Variants in TICRR observed in about 807,000 individuals in gnomAD.
TICRR encodes the protein TOPBP1 interacting checkpoint and replication regulator.
A neutral mutation model predicts 178.1 loss-of-function variants in TICRR; 132 were observed. That is an observed-to-expected ratio of 0.74 (90% confidence interval 0.64 to 0.86). The LOEUF is 0.86. Ranked by LOEUF, TICRR falls within the 40% of genes least tolerant of loss-of-function variation. TICRR has a pLI of 0.00. For synonymous variants in TICRR, 991 were observed against 900.7 expected (o/e 1.10, Z -1.79); for missense variants, 2,587 against 2,334.3 (o/e 1.11, Z -2.23).
chr15:89,593,342 T>A (rs4362367), intron 5 of TICRR, among the ~76,000 whole-genome samples: 68,108 of 152,036 alleles, frequency 0.45, 15,826 homozygotes, highest in Non-Finnish European at 0.52. Flanking sequence ...TGTTATTTTT[T>A]AAAATTATCT....
Position 89,601,903 on chromosome 15 carries a change from C to T in TICRR, c.2494C>T (p.Arg832Cys). 2 of 1,614,034 alleles carry T rather than the reference C, an allele frequency of 1.2e-6. No homozygotes were observed. The highest frequency in any genetic ancestry group is 1.1e-5 in the South Asian group (1 of 91,080). Residue 832 changes from arginine (R) to cysteine (C), a missense_variant, in exon 12 of 22, where the codon CGT (arginine) becomes TGT (cysteine). Arg to Cys is a radical substitution (Grantham distance 180). Coordinates refer to ENST00000268138, the MANE Select transcript of TICRR (RefSeq NM_152259.4). Reference sequence around the variant, plus strand: ...TTCTGTGCCTTTTTTGTCAAGTGCTCGTAGATCAGTGTCAGGCAGCCCTGA... The same window carrying T: ...TTCTGTGCCTTTTTTGTCAAGTGCTTGTAGATCAGTGTCAGGCAGCCCTGA... ...LLSVPFLSSA[R>C]RSVSGSPESD... is the part of the protein sequence containing the mutation.
rs1347230508 is a variant in TICRR at position 89,576,375 on chromosome 15, A to G, written c.654+135A>G. ...CTATGCGTCCCTTCGGAAGGAAACA[A>G]ATAAATAGGAACAGTTTTCACAACA... On this transcript the variant is annotated intron_variant, in intron 1 of 21. Coordinates refer to ENST00000268138, the MANE Select transcript of TICRR (RefSeq NM_152259.4). 27 of 853,024 alleles carry G rather than the reference A, an allele frequency of 3.2e-5. 1 individual carries two copies. The East Asian group carries it at 3.4e-4, about 11-fold the overall frequency. The allele number at this position is 853,024 out of a possible 1,614,324, so 52.8% of individuals were successfully genotyped here.
intron 13 of TICRR, among the ~76,000 whole-genome samples, chr15:89,605,981 A>G (rs1422117467): frequency 6.6e-6 from 1 of 152,198 alleles, no homozygotes. Flanking sequence ...ATTAATGTAT[A>G]TGGCTTTTCC....
chr15:89,597,613 A>G (rs77791922), intron 7 of TICRR, among the ~76,000 whole-genome samples: 1 of 152,088 alleles, frequency 6.6e-6, no homozygotes, highest in East Asian at 1.9e-4. Context: ...TCTTTTGCTA[A>G]TATCACACAA....
In TICRR at chr15:89,582,742, C is replaced by T. The variant is rs371393176; in HGVS notation, c.711C>T (p.His237=). The part of the protein sequence containing the change: ...GYWTVCELLH[H]GGGTVLPSES... ...GGACTGTTTGTGAACTGCTCCACCA[C>T]GGAGGTGGCACTGTCTTGCCATCTG... is the stretch of plus-strand genomic sequence containing the variant. The change falls in exon 2 of 22, where the codon CAC becomes CAT. Residue 237 remains histidine, a synonymous_variant. Transcript: ENST00000268138. 1.5e-5 allele frequency: 25 copies of T among 1,614,024 alleles called. No individual in the cohort carries two copies. Among genetic ancestry groups the T allele is most frequent in the Middle Eastern group, 1.6e-4 (1 of 6,084 alleles).
chr15:89,606,905 T>TA, intron 14 of TICRR, 80 bp downstream of exon 14: 1 of 1,248,700 alleles, frequency 8.0e-7, no homozygotes, highest in African/African-American at 1.5e-5. Flanking sequence ...AGCAGCTGCT[T>TA]ACAGGTGTAA....
rs760957947 is a variant in TICRR at position 89,608,785 on chromosome 15, A to T, written c.2723-18A>T. 6 of 1,560,816 alleles carry T rather than the reference A, an allele frequency of 3.8e-6. No individual in the cohort carries two copies. The highest frequency in any genetic ancestry group is 1.4e-5 in the African/African-American group (1 of 71,338). ...ATCTTTGGGTTTTTCTTTTTCTTTT[A>T]ATTTTTGATGCTTTCAGAAGTGACC... On this transcript the variant is annotated intron_variant, in intron 14 of 21. Transcript: ENST00000268138.
Position 89,600,626 on chromosome 15 carries a change from T to C in TICRR, c.2094T>C (p.Thr698=). 6.3e-7 allele frequency: 1 copy of C among 1,599,410 alleles called. No individual in the cohort carries two copies. Among genetic ancestry groups the C allele is most frequent in the Non-Finnish European group, 8.5e-7 (1 of 1,173,012 alleles). The part of the protein sequence containing the change: ...LNQVKSSLLK[T]SKSLRQNLGK... ...AAGTAAAAAGTAGTCTCTTAAAAAC[T>C]AGTAAAAGTCTTCGACAGAATCTAG... Residue 698 remains threonine, a synonymous_variant, in exon 9 of 22, where the codon ACT becomes ACC. Coordinates refer to ENST00000268138, the MANE Select transcript of TICRR (RefSeq NM_152259.4).
Position 89,627,112 on chromosome 15 carries a change from A to G in TICRR, c.*26A>G, listed in dbSNP as rs1963544669. 1.2e-6 allele frequency: 2 copies of G among 1,613,184 alleles called. No individual in the cohort carries two copies. Among genetic ancestry groups the G allele is most frequent in the Non-Finnish European group, 1.7e-6 (2 of 1,179,924 alleles). ...CCACAAACATTACTGAGCCCAAAAGATCAAGGAGTCAGCCAGGACCCTGTG... is the reference window on the plus strand; with the variant it reads ...CCACAAACATTACTGAGCCCAAAAGGTCAAGGAGTCAGCCAGGACCCTGTG... On this transcript the variant is annotated 3_prime_UTR_variant, in exon 22 of 22. Coordinates refer to ENST00000268138, the MANE Select transcript of TICRR (RefSeq NM_152259.4).
chr15:89,604,154 A>C (rs902932576), intron 13 of TICRR, among the ~76,000 whole-genome samples: 2 of 152,242 alleles, frequency 1.3e-5, no homozygotes, highest in Non-Finnish European at 2.9e-5. Flanking sequence ...ATCTGAGAAG[A>C]GTTAAAATTC....
At chr15:89,576,714 A>T (rs1962620924) in intron 1 of TICRR, among the ~76,000 whole-genome samples, 1 of 151,252 alleles carries the variant, frequency 6.6e-6, no homozygotes, top group Admixed American at 6.6e-5. Flanking sequence ...ATTTCTCCAT[A>T]TGTTTTGATT....
chr15:89,581,115 C>A (rs1334847894), intron 1 of TICRR, among the ~76,000 whole-genome samples: 1 of 152,156 alleles, frequency 6.6e-6, no homozygotes, highest in Non-Finnish European at 1.5e-5. Flanking sequence ...CTTGCTGGGA[C>A]CATGGACGAT....
chr15:89,603,750 A>G (rs531111567), intron 13 of TICRR, among the ~76,000 whole-genome samples: 2 of 152,362 alleles, frequency 1.3e-5, no homozygotes, highest in East Asian at 1.9e-4. Flanking sequence ...AACCCTATAT[A>G]TAGTACTGTT....
intron 13 of TICRR, among the ~76,000 whole-genome samples, chr15:89,606,220 C>T (rs896827140): frequency 6.6e-6 from 1 of 152,094 alleles, no homozygotes; most frequent in Non-Finnish European, 1.5e-5. Context: ...TAATATTTTC[C>T]TTTTTCCTCC....
At chr15:89,608,135 T>C (rs993463606) in intron 14 of TICRR, among the ~76,000 whole-genome samples, 12 of 152,182 alleles carry the variant, frequency 7.9e-5, no homozygotes, top group Admixed American at 1.3e-4. Context: ...CCATCTTACA[T>C]TGAGTAGCTT....
chr15:89,614,159 T>C (rs1002477157), intron 15 of TICRR, among the ~76,000 whole-genome samples: 1 of 151,670 alleles, frequency 6.6e-6, no homozygotes, highest in African/African-American at 2.4e-5. Flanking sequence ...GTCTCAAAAA[T>C]AAATAAATAA....
chr15:89,623,188 C>T (rs1466691843), intron 19 of TICRR, among the ~76,000 whole-genome samples: 1 of 152,198 alleles, frequency 6.6e-6, no homozygotes, highest in Non-Finnish European at 1.5e-5. Context: ...CACACAGTGC[C>T]TGGCACATAG....
chr15:89,626,511 C>A (rs577222517), intron 21 of TICRR, among the ~76,000 whole-genome samples: 1 of 152,268 alleles, frequency 6.6e-6, no homozygotes, highest in East Asian at 1.9e-4. Context: ...CTTCCAAATC[C>A]TATTCCCAAA....
At chr15:89,618,076 G>A in intron 16 of TICRR, 76 bp from the exon 17 acceptor site, 4 of 1,421,140 alleles carry the variant, frequency 2.8e-6, no homozygotes, top group Non-Finnish European at 4.0e-6. Context: ...CTTGTTAAGT[G>A]AGAAGCTGCC....
Sources: allele counts gnomAD v4.1 joint callset (sites outside exome capture counted in the v4.1 genomes callset), GRCh38; gene constraint gnomAD v4.1.1; transcripts MANE v1.5; gene names NCBI Gene and HGNC (gene_info 2026-07-23, HGNC 2026-07-21).